The following ARHGAP42 variants were observed in gnomAD, a reference collection of about 807,000 sequenced individuals.
ARHGAP42 encodes Rho GTPase activating protein 42, also known as rho GTPase-activating protein 42.
A neutral mutation model predicts 125.0 loss-of-function variants in ARHGAP42; 63 were observed. That is an observed-to-expected ratio of 0.50 (90% CI 0.41 to 0.62). ARHGAP42 has a LOEUF of 0.62. Ranked by LOEUF, ARHGAP42 falls within the 20% of genes least tolerant of loss-of-function variation. ARHGAP42 has a pLI of 0.00. For synonymous variants in ARHGAP42, 339 were observed against 351.0 expected (o/e 0.97, Z 0.38); for missense variants, 766 against 1,024.2 (o/e 0.75, Z 3.44).
chr11:100,741,780 T>C (rs1365172631), intron 1 of ARHGAP42, among the ~76,000 whole-genome samples: 1 of 152,166 alleles, frequency 6.6e-6, no homozygotes, highest in Non-Finnish European at 1.5e-5. Context: ...AATAACTTAG[T>C]TTGAGAAGTA....
At position 100,960,974 on chromosome 11, in the gene ARHGAP42, A is replaced by G. The variant is rs1054336921; in HGVS notation, c.1285A>G (p.Met429Val). ...AGTGAACTCCAAAGTTCAAAAACTC[A>G]TGAATACCACATTTTGTAAGTTTTG... is the stretch of plus-strand genomic sequence containing the variant. The part of the protein sequence containing the change: ...GGVNSKVQKL[M>V]NTTFSPKSPP... Residue 429 changes from methionine (M) to valine (V), a missense_variant, in exon 14 of 24, where the codon ATG becomes GTG. By Grantham distance (21) the Met-to-Val change is conservative. Coordinates refer to ENST00000298815, the MANE Select transcript of ARHGAP42 (RefSeq NM_152432.4). 5 of 1,539,964 alleles carry G rather than the reference A, an allele frequency of 3.2e-6. No homozygotes were observed. Among genetic ancestry groups the G allele is most frequent in the African/African-American group, 2.7e-5 (2 of 72,768 alleles).
At chr11:100,879,777 C>T (rs1396487306) in intron 4 of ARHGAP42, among the ~76,000 whole-genome samples, 1 of 152,152 alleles carries the variant, frequency 6.6e-6, no homozygotes, top group African/African-American at 2.4e-5. Context: ...CCTTGGGTCT[C>T]TTGTAGTTTT....
In ARHGAP42 at chr11:100,725,182, T is replaced by G. The variant is rs556705791; in HGVS notation, c.154+37350T>G. ...TGCTTTTAAATATTTTTCCTTTTTT[T>G]TTTTTTGGAGACAGAGTCTTGCTCT... On this transcript the variant is annotated intron_variant, in intron 1 of 23. Transcript: ENST00000298815. 2.0e-5 allele frequency among the ~76,000 whole-genome samples: 3 copies of G among 151,964 alleles called. No individual in the cohort carries two copies. In the South Asian group the frequency reaches 6.2e-4, roughly 32 times the overall value.
At chr11:100,971,037 G>A (rs1358680184) in intron 17 of ARHGAP42, among the ~76,000 whole-genome samples, 1 of 152,026 alleles carries the variant, frequency 6.6e-6, no homozygotes, top group Non-Finnish European at 1.5e-5. Context: ...CTGTCTTCTT[G>A]GCCACATTTG....
chr11:100,794,015 C>T (rs531657754), intron 2 of ARHGAP42, among the ~76,000 whole-genome samples: 30 of 129,110 alleles, frequency 2.3e-4, no homozygotes, highest in African/African-American at 7.1e-4. Context: ...CCTGGGAGAT[C>T]GAGGCTGCAG....
At chr11:100,947,963 C>A (rs562656326) in intron 10 of ARHGAP42, among the ~76,000 whole-genome samples, 1 of 151,908 alleles carries the variant, frequency 6.6e-6, no homozygotes, top group Admixed American at 6.6e-5. Flanking sequence ...TCAATATTGT[C>A]ATCATGGTAC....
At chr11:100,726,405 T>C (rs1861862348) in intron 1 of ARHGAP42, among the ~76,000 whole-genome samples, 1 of 152,192 alleles carries the variant, frequency 6.6e-6, no homozygotes, top group African/African-American at 2.4e-5. Flanking sequence ...ACATAGTAAG[T>C]ACCCATTAAA....
chr11:100,691,037 C>G (rs1861180495), intron 1 of ARHGAP42, among the ~76,000 whole-genome samples: 2 of 152,202 alleles, frequency 1.3e-5, no homozygotes, highest in African/African-American at 4.8e-5. Context: ...AAGTTAACCT[C>G]TCTTAGTCCT....
chr11:100,955,207 G>T (rs1382415172), intron 12 of ARHGAP42, among the ~76,000 whole-genome samples: 3 of 145,884 alleles, frequency 2.1e-5, no homozygotes, highest in Non-Finnish European at 3.0e-5. Flanking sequence ...TTTAATAAAA[G>T]CTTTATCCCT....
chr11:100,703,729 G>A (rs370375868), intron 1 of ARHGAP42, among the ~76,000 whole-genome samples: 10 of 152,272 alleles, frequency 6.6e-5, no homozygotes, highest in African/African-American at 2.4e-4. Flanking sequence ...CATATCTACT[G>A]GTGCTTTAGT....
intron 2 of ARHGAP42, among the ~76,000 whole-genome samples, chr11:100,787,587 G>T: frequency 6.6e-6 from 1 of 152,184 alleles, no homozygotes. Flanking sequence ...CTGAATCTCA[G>T]CCCAAATGTG....
chr11:100,822,402 A>G (rs1864423969), intron 3 of ARHGAP42, among the ~76,000 whole-genome samples: 1 of 152,116 alleles, frequency 6.6e-6, no homozygotes, highest in Non-Finnish European at 1.5e-5. Flanking sequence ...GCAGGTGGGT[A>G]TATCAAGTTC....
intron 22 of ARHGAP42, among the ~76,000 whole-genome samples, chr11:100,980,672 G>T (rs1424328834): frequency 7.0e-6 from 1 of 143,510 alleles, no homozygotes; most frequent in Non-Finnish European, 1.5e-5. Flanking sequence ...CCAGGTTCAA[G>T]TGATTCTCCT....
At chr11:100,725,980 C>T (rs1861854277) in intron 1 of ARHGAP42, among the ~76,000 whole-genome samples, 1 of 148,220 alleles carries the variant, frequency 6.7e-6, no homozygotes, top group African/African-American at 2.5e-5. Context: ...TACCTGTAGT[C>T]CCAGCTACTT....
rs1858072079 is a variant in ARHGAP42, at chr11:100,965,655, C to T, written c.1445-16C>T. 1 of 1,545,532 alleles carries T rather than the reference C, an allele frequency of 6.5e-7. No individual in the cohort carries two copies. Among genetic ancestry groups the T allele is most frequent in the Admixed American group, 2.0e-5 (1 of 50,852 alleles). On this transcript the variant is annotated splice_polypyrimidine_tract_variant and intron_variant, in intron 16 of 23. Transcript: ENST00000298815. ...GAATTAAAACTTGAGCATTTGCAAT[C>T]TTTTTTATGTAACAGAATCTGATGA...
At chr11:100,891,617 A>G (rs1033107438) in intron 4 of ARHGAP42, among the ~76,000 whole-genome samples, 2 of 151,814 alleles carry the variant, frequency 1.3e-5, no homozygotes, top group Non-Finnish European at 2.9e-5. Flanking sequence ...TAATTTTTGT[A>G]TTTTTAGTAG....
chr11:100,871,370 C>A (rs1010730452), intron 4 of ARHGAP42, among the ~76,000 whole-genome samples: 4 of 151,006 alleles, frequency 2.6e-5, no homozygotes, highest in Non-Finnish European at 5.9e-5. Context: ...ACTGGTGAAA[C>A]CCCCATCTCT....
intron 6 of ARHGAP42, among the ~76,000 whole-genome samples, chr11:100,929,127 G>A (rs1375415123): frequency 6.6e-6 from 1 of 152,130 alleles, no homozygotes; most frequent in Admixed American, 6.5e-5. Context: ...TGAAAAAATT[G>A]GTGAGGAGGG....
chr11:100,698,304 C>G (rs549023488), intron 1 of ARHGAP42, among the ~76,000 whole-genome samples: 49 of 152,120 alleles, frequency 3.2e-4, no homozygotes, highest in African/African-American at 1.1e-3. Context: ...AGACCTGTCC[C>G]TATAGAAAAA....
Sources: allele counts gnomAD v4.1 joint callset (sites outside exome capture counted in the v4.1 genomes callset), GRCh38; gene constraint gnomAD v4.1.1; transcripts MANE v1.5; gene names NCBI Gene and HGNC (gene_info 2026-07-23, HGNC 2026-07-21).